The following SHISA9 variants were observed in gnomAD, a reference collection of about 807,000 sequenced individuals.
SHISA9 encodes the protein shisa family member 9, also known as protein shisa-9.
SHISA9 carries 13 observed loss-of-function variants against 38.0 expected under a neutral mutation model. The ratio of observed to expected loss-of-function variants is 0.34; its 90% CI spans 0.22 to 0.54. The LOEUF is 0.54. Ranked by LOEUF, SHISA9 falls within the 20% of genes least tolerant of loss-of-function variation. The pLI, the probability that SHISA9 is intolerant of heterozygous loss-of-function variation, is 0.91. For missense variants in SHISA9, 538 were observed against 575.8 expected (o/e 0.93, Z 0.67); for synonymous variants, 275 against 242.0 (o/e 1.14, Z -1.27).
the SHISA9 span, among the ~76,000 whole-genome samples, chr16:13,460,958 T>C: frequency 6.6e-6 from 1 of 152,238 alleles, no homozygotes; most frequent in Non-Finnish European, 1.5e-5. Context: ...CATCGCTCCT[T>C]GTTAAAACCA....
At chr16:12,921,186 G>A (rs766557373) in intron 2 of SHISA9, among the ~76,000 whole-genome samples, 2 of 152,186 alleles carry the variant, frequency 1.3e-5, no homozygotes, top group African/African-American at 2.4e-5. Flanking sequence ...ATGATGTTAC[G>A]TGATTTAGTT....
the SHISA9 span, among the ~76,000 whole-genome samples, chr16:13,540,140 A>G: frequency 6.6e-6 from 1 of 151,944 alleles, no homozygotes. Flanking sequence ...AAATCCTTTC[A>G]ACTCAGTGTC....
At chr16:13,139,019 G>C (rs1324529676) in intron 2 of SHISA9, among the ~76,000 whole-genome samples, 1 of 152,120 alleles carries the variant, frequency 6.6e-6, no homozygotes, top group Non-Finnish European at 1.5e-5. Flanking sequence ...ATCCTCAAAC[G>C]TGGGGTACTA....
chr16:13,469,409 G>GAA, the SHISA9 span, among the ~76,000 whole-genome samples: 225 of 124,538 alleles, frequency 1.8e-3, 1 homozygote, highest in African/African-American at 6.4e-3. Context: ...AAGAAAGAAA[G>GAA]AAAGAAAGAA....
intron 2 of SHISA9, among the ~76,000 whole-genome samples, chr16:13,181,636 G>C (rs76665589): frequency 6.6e-6 from 1 of 151,982 alleles, no homozygotes; most frequent in East Asian, 1.9e-4. Flanking sequence ...GTCATAGCTC[G>C]TGTGTTAGAG....
intron 2 of SHISA9, among the ~76,000 whole-genome samples, chr16:13,138,989 A>C (rs745349009): frequency 1.3e-5 from 2 of 152,162 alleles, no homozygotes; most frequent in Non-Finnish European, 2.9e-5. Flanking sequence ...GGGGAGGAAG[A>C]TGTAGCTGAT....
chr16:13,396,596 C>G, the SHISA9 span, among the ~76,000 whole-genome samples: 2 of 152,156 alleles, frequency 1.3e-5, no homozygotes, highest in African/African-American at 2.4e-5. Context: ...TTTCTGTTGC[C>G]TAAATAGAGT....
chr16:13,340,444 T>A, the SHISA9 span, among the ~76,000 whole-genome samples: 6 of 150,588 alleles, frequency 4.0e-5, no homozygotes. Context: ...AAACTCCCCT[T>A]GAGGTGAGTC....
At chr16:13,151,481 C>T (rs1397952550) in intron 2 of SHISA9, among the ~76,000 whole-genome samples, 1 of 152,120 alleles carries the variant, frequency 6.6e-6, no homozygotes, top group Non-Finnish European at 1.5e-5. Context: ...TCTTATGGTC[C>T]CAAGAATATG....
chr16:12,911,111 C>T (rs2071177127), intron 1 of SHISA9: 1 of 284,640 alleles, frequency 3.5e-6, no homozygotes, highest in African/African-American at 2.3e-5. Flanking sequence ...TCACAGTACG[C>T]TTAGGGTCTT....
intron 2 of SHISA9, among the ~76,000 whole-genome samples, chr16:12,984,036 T>A (rs894641683): frequency 6.6e-6 from 1 of 152,170 alleles, no homozygotes; most frequent in Non-Finnish European, 1.5e-5. Flanking sequence ...ACTTGCTTCT[T>A]AACATTGGTT....
the SHISA9 span, among the ~76,000 whole-genome samples, chr16:13,471,965 C>G: frequency 1.3e-5 from 2 of 152,152 alleles, no homozygotes; most frequent in Non-Finnish European, 2.9e-5. Flanking sequence ...AGGAAAGGGT[C>G]AGTGAGTGAC....
At chr16:13,101,641 C>G (rs183714419) in intron 2 of SHISA9, among the ~76,000 whole-genome samples, 223 of 152,164 alleles carry the variant, frequency 1.5e-3, no homozygotes, top group African/African-American at 4.9e-3. Context: ...GCATATATAC[C>G]CAGAAGTGGG....
At chr16:12,983,506 T>G (rs565548909) in intron 2 of SHISA9, among the ~76,000 whole-genome samples, 1 of 152,200 alleles carries the variant, frequency 6.6e-6, no homozygotes, top group Non-Finnish European at 1.5e-5. Context: ...TGGGTTTTTT[T>G]GAGACGGAGT....
the SHISA9 span, among the ~76,000 whole-genome samples, chr16:13,423,984 C>T: frequency 3.9e-5 from 6 of 152,180 alleles, no homozygotes; most frequent in Admixed American, 6.5e-5. Flanking sequence ...TTTAAGGACT[C>T]ATCTGATTAG....
chr16:12,930,824 CAGAG>C (rs1465667462), intron 2 of SHISA9, among the ~76,000 whole-genome samples: 8 of 151,926 alleles, frequency 5.3e-5, no homozygotes, highest in Admixed American at 5.3e-4. Context: ...TCTTAAAACA[CAGAG>C]AGAGGAAGTG....
chr16:13,049,674 C>G lies in SHISA9; in HGVS notation c.691+132859C>G, dbSNP rs191122641. Among the ~76,000 whole-genome samples the G allele has an allele frequency of 2.1e-3, 324 of 152,214 alleles. 1 individual carries two copies. The highest frequency in any genetic ancestry group is 7.2e-3 in the African/African-American group (300 of 41,532). On this transcript the variant is annotated intron_variant, in intron 2 of 4. Transcript: ENST00000558583. ...TCTCTGTCAAAAGGGGAAAATTAGA[C>G]AAAGGAAAAATTCCAAAAGGATAAT...
chr16:13,395,861 C>T, the SHISA9 span, among the ~76,000 whole-genome samples: 1 of 152,180 alleles, frequency 6.6e-6, no homozygotes, highest in African/African-American at 2.4e-5. Context: ...GTGGGTATCA[C>T]TACAGCTGTT....
At chr16:12,910,349 ATC>A (rs2071165644) in intron 1 of SHISA9, 1 of 406,796 alleles carries the variant, frequency 2.5e-6, no homozygotes, top group Non-Finnish European at 3.3e-6. Context: ...TTTACTGAAC[ATC>A]TAACTTATGC....
Sources: allele counts gnomAD v4.1 joint callset (sites outside exome capture counted in the v4.1 genomes callset), GRCh38; gene constraint gnomAD v4.1.1; transcripts MANE v1.5; gene names NCBI Gene and HGNC (gene_info 2026-07-23, HGNC 2026-07-21).